Variants in SAMD12 observed in about 807,000 individuals in gnomAD.
SAMD12 encodes the protein sterile alpha motif domain containing 12.
In SAMD12, 9 loss-of-function variants were observed where a neutral mutation model predicts 15.0. That is an observed-to-expected ratio of 0.60 (90% CI 0.36 to 1.05). The LOEUF is 1.05. SAMD12 is among the 50% of genes least tolerant of loss of function. SAMD12 has a pLI of 0.01. For missense variants in SAMD12, 230 were observed against 234.2 expected (o/e 0.98, Z 0.12); for synonymous variants, 86 against 90.1 (o/e 0.96, Z 0.25).
chr8:118,486,661 CTATAA>C (rs779734089), intron 2 of SAMD12, among the ~76,000 whole-genome samples: 53 of 152,182 alleles, frequency 3.5e-4, no homozygotes, highest in Admixed American at 3.3e-4. Flanking sequence ...GCACACAGAA[CTATAA>C]TATAAGAAAT....
At chr8:118,213,563 C>T (rs1414633761) in intron 4 of SAMD12, among the ~76,000 whole-genome samples, 11 of 152,236 alleles carry the variant, frequency 7.2e-5, no homozygotes, top group Non-Finnish European at 1.6e-4. Context: ...GAGGTCCCTG[C>T]TAAGCCTTGC....
intron 1 of SAMD12, among the ~76,000 whole-genome samples, chr8:118,581,994 C>T (rs1394812272): frequency 6.6e-6 from 1 of 152,126 alleles, no homozygotes; most frequent in Non-Finnish European, 1.5e-5. Context: ...TCTTCCCCTC[C>T]AGCCAGCTTC....
intron 2 of SAMD12, among the ~76,000 whole-genome samples, chr8:118,565,898 T>C (rs548555282): frequency 6.6e-6 from 1 of 152,320 alleles, no homozygotes; most frequent in Admixed American, 6.5e-5. Flanking sequence ...AAAATAGATG[T>C]CAAATTTGTC....
At chr8:118,507,289 A>G (rs1400986857) in intron 2 of SAMD12, among the ~76,000 whole-genome samples, 9 of 152,104 alleles carry the variant, frequency 5.9e-5, no homozygotes, top group Non-Finnish European at 1.3e-4. Flanking sequence ...CCTCTGCGTT[A>G]GAGTGATCTC....
rs148954786 is a variant in SAMD12, at chr8:118,282,850, A to G, written c.434-85118T>C. Among the ~76,000 whole-genome samples the G allele has an allele frequency of 6.5e-3, 986 of 151,944 alleles. 12 individuals carry two copies. Among genetic ancestry groups the G allele is most frequent in the African/African-American group, 0.023 (936 of 41,470 alleles). On this transcript the variant is annotated intron_variant, in intron 4 of 4. Transcript: ENST00000409003. ...ATAATATTTATATATATGTATAGAT[A>G]TGTGTGTGTGTGTAGCTGTATGTAT...
intron 4 of SAMD12, among the ~76,000 whole-genome samples, chr8:118,265,203 G>A (rs1432579446): frequency 6.6e-6 from 1 of 152,052 alleles, no homozygotes; most frequent in African/African-American, 2.4e-5. Context: ...TCTCAAAGAG[G>A]ATTCATCTTT....
At chr8:118,472,780 T>TAA (rs5894437) in intron 2 of SAMD12, among the ~76,000 whole-genome samples, 9 of 151,594 alleles carry the variant, frequency 5.9e-5, no homozygotes, top group South Asian at 2.1e-4. Context: ...CTGGTTACAG[T>TAA]AAAAAAGCCT....
intron 2 of SAMD12, among the ~76,000 whole-genome samples, chr8:118,457,588 T>C (rs1300333677): frequency 2.0e-5 from 3 of 152,176 alleles, no homozygotes; most frequent in Non-Finnish European, 2.9e-5. Flanking sequence ...GACTGGTTAT[T>C]TCCCTGGGGC....
chr8:118,526,992 T>A (rs1276120361), intron 2 of SAMD12, among the ~76,000 whole-genome samples: 1 of 152,180 alleles, frequency 6.6e-6, no homozygotes, highest in Non-Finnish European at 1.5e-5. Flanking sequence ...TCAGAATGCA[T>A]CCTTCACTCT....
intron 2 of SAMD12, among the ~76,000 whole-genome samples, chr8:118,484,902 C>A (rs1398022112): frequency 6.6e-6 from 1 of 152,110 alleles, no homozygotes; most frequent in African/African-American, 2.4e-5. Flanking sequence ...TTGCTCTGGG[C>A]ATTGAGAATA....
intron 2 of SAMD12, among the ~76,000 whole-genome samples, chr8:118,460,935 C>T (rs1209675929): frequency 4.6e-5 from 7 of 152,186 alleles, no homozygotes; most frequent in Non-Finnish European, 1.0e-4. Context: ...ATCACTTTCT[C>T]GGAACCATTT....
chr8:118,316,994 G>T (rs1815951449), intron 4 of SAMD12, among the ~76,000 whole-genome samples: 1 of 151,870 alleles, frequency 6.6e-6, no homozygotes, highest in Non-Finnish European at 1.5e-5. Flanking sequence ...TTAAAACGAG[G>T]TGATTAGGAT....
the SAMD12 span, among the ~76,000 whole-genome samples, chr8:118,154,285 G>C: frequency 2.6e-5 from 4 of 152,048 alleles, no homozygotes; most frequent in Admixed American, 2.0e-4. Context: ...ATCACACTGG[G>C]CTACCTATTC....
rs1044669220 is a variant in SAMD12, at chr8:118,378,483, T to C, written c.*934A>G. 13 of 984,508 alleles carry C rather than the reference T, an allele frequency of 1.3e-5. No homozygotes were observed. The highest frequency in any genetic ancestry group is 7.0e-5 in the African/African-American group (4 of 57,214). The allele number at this position is 984,508 out of a possible 1,614,324, so 61.0% of individuals were successfully genotyped here. ...ACAAACAATACTATTTTACGATCACTTGAAATCTATATTTATCCTTCTAGA... is the reference window on the plus strand; with the variant it reads ...ACAAACAATACTATTTTACGATCACCTGAAATCTATATTTATCCTTCTAGA... On this transcript the variant is annotated 3_prime_UTR_variant, in exon 4 of 4. Coordinates refer to ENST00000314727, the MANE Select transcript of SAMD12 (RefSeq NM_207506.3).
chr8:118,366,223 G>C (rs1474787514), intron 4 of SAMD12, among the ~76,000 whole-genome samples: 2 of 152,122 alleles, frequency 1.3e-5, no homozygotes, highest in Non-Finnish European at 2.9e-5. Flanking sequence ...CTAACTAATA[G>C]CTGGCAAAGT....
At chr8:118,231,980 T>G (rs1322999651) in intron 4 of SAMD12, among the ~76,000 whole-genome samples, 2 of 152,206 alleles carry the variant, frequency 1.3e-5, no homozygotes, top group African/African-American at 4.8e-5. Context: ...TTAGGAAGAC[T>G]TTGAAAGCCA....
At chr8:118,152,306 G>C in the SAMD12 span, among the ~76,000 whole-genome samples, 2 of 152,132 alleles carry the variant, frequency 1.3e-5, no homozygotes, top group Non-Finnish European at 2.9e-5. Flanking sequence ...CCACCAAAAA[G>C]TAAAACATTT....
chr8:118,358,892 AAT>A (rs1818355913), intron 4 of SAMD12, among the ~76,000 whole-genome samples: 1 of 152,190 alleles, frequency 6.6e-6, no homozygotes, highest in South Asian at 2.1e-4. Flanking sequence ...AGAGAATGAA[AAT>A]ATGTTAACAC....
At chr8:118,452,078 G>A (rs933387847) in intron 2 of SAMD12, among the ~76,000 whole-genome samples, 7 of 152,072 alleles carry the variant, frequency 4.6e-5, no homozygotes, top group Non-Finnish European at 1.0e-4. Context: ...CAGAGAGCTC[G>A]CTCTCTGTCC....
Sources: gnomAD v4.1 joint callset for allele counts (sites outside exome capture counted in the v4.1 genomes callset) on GRCh38, gnomAD v4.1.1 for gene constraint, MANE v1.5 for transcripts, NCBI Gene and HGNC (gene_info 2026-07-23, HGNC 2026-07-21) for gene names.